Variants in ETV6 observed in about 807,000 individuals in gnomAD.
ETV6 encodes transcription factor ETV6.
Under a neutral mutation model 51.1 loss-of-function variants are expected in ETV6, and 16 were observed. That is an observed-to-expected ratio of 0.31 (90% CI 0.21 to 0.48). The LOEUF is 0.48. Ranked by LOEUF, ETV6 falls within the 20% of genes least tolerant of loss-of-function variation. The probability of loss-of-function intolerance (pLI) is 0.99; values close to 1 mark genes in which losing one functional copy is unlikely to be tolerated. For synonymous variants in ETV6, 240 were observed against 224.1 expected (o/e 1.07, Z -0.64); for missense variants, 458 against 594.8 (o/e 0.77, Z 2.39).
chr12:11,856,833 A>G (rs1946639741), intron 4 of ETV6, among the ~76,000 whole-genome samples: 3 of 152,234 alleles, frequency 2.0e-5, no homozygotes, highest in Admixed American at 1.3e-4. Flanking sequence ...AAAATCTGTC[A>G]AGTGAAATTA....
chr12:11,765,003 A>G (rs558324817), intron 2 of ETV6, among the ~76,000 whole-genome samples: 10 of 152,280 alleles, frequency 6.6e-5, no homozygotes, highest in African/African-American at 2.4e-4. Flanking sequence ...CCAAAGCCCT[A>G]TTGCCTAATC....
chr12:11,653,726 AG>A (rs1451094389), intron 1 of ETV6, among the ~76,000 whole-genome samples: 3 of 151,940 alleles, frequency 2.0e-5, no homozygotes, highest in Non-Finnish European at 4.4e-5. Flanking sequence ...AGCACTCAAT[AG>A]GGCCCACTAC....
intron 3 of ETV6, among the ~76,000 whole-genome samples, chr12:11,848,725 C>T (rs935754213): frequency 1.3e-5 from 2 of 152,222 alleles, no homozygotes; most frequent in African/African-American, 4.8e-5. Context: ...CAGGGACCTG[C>T]GCAAGTGAAG....
At chr12:11,796,941 C>T (rs1236713250) in intron 2 of ETV6, among the ~76,000 whole-genome samples, 1 of 152,122 alleles carries the variant, frequency 6.6e-6, no homozygotes, top group African/African-American at 2.4e-5. Flanking sequence ...CATGCCGCAC[C>T]ATGCTCAGCT....
At chr12:11,750,191 C>T (rs1374649107) in intron 1 of ETV6, among the ~76,000 whole-genome samples, 1 of 152,200 alleles carries the variant, frequency 6.6e-6, no homozygotes, top group African/African-American at 2.4e-5. Context: ...GAAGTGAAAG[C>T]ACACCAAGGG....
chr12:11,878,653 C>T (rs1446677346), intron 5 of ETV6, among the ~76,000 whole-genome samples: 1 of 151,952 alleles, frequency 6.6e-6, no homozygotes, highest in African/African-American at 2.4e-5. Context: ...CCACTTCTCC[C>T]TCCCCCAGCG....
chr12:11,813,701 G>A (rs1945948103), intron 2 of ETV6, among the ~76,000 whole-genome samples: 1 of 151,814 alleles, frequency 6.6e-6, no homozygotes, highest in South Asian at 2.1e-4. Flanking sequence ...TTAAACAAAG[G>A]GTCACCAAGA....
At chr12:11,865,359 A>G (rs1946777749) in intron 4 of ETV6, among the ~76,000 whole-genome samples, 1 of 151,942 alleles carries the variant, frequency 6.6e-6, no homozygotes, top group Non-Finnish European at 1.5e-5. Context: ...GGTATCATCA[A>G]ATAATCTGCT....
rs560469234 is a variant in ETV6, at chr12:11,878,964, C to G, written c.1010-5481C>G. Among the ~76,000 whole-genome samples, 4 of 152,034 alleles carry G rather than the reference C, an allele frequency of 2.6e-5. No homozygotes were observed. The South Asian group carries it at 8.3e-4, about 32-fold the overall frequency. On this transcript the variant is annotated intron_variant, in intron 5 of 7. Coordinates refer to ENST00000396373, the MANE Select transcript of ETV6 (RefSeq NM_001987.5). ...GTTGCTTACTATATTGTAAGAGATT[C>G]AGCAGCATCCCTGGCCTCTACCCAC...
At chr12:11,832,720 A>G (rs537012449) in intron 2 of ETV6, among the ~76,000 whole-genome samples, 46 of 152,340 alleles carry the variant, frequency 3.0e-4, no homozygotes, top group African/African-American at 1.1e-3. Flanking sequence ...GTATTTCAGG[A>G]TATCAGGAAG....
rs189864954 is a variant in ETV6 at position 11,823,958 on chromosome 12, C to T, written c.164-15182C>T. ...GTGGTTCCTGCACTTTGGGCTGTAA[C>T]CCCCTTTGGTGGGGCCAGAGACCCC... On this transcript the variant is annotated intron_variant, in intron 2 of 7. Coordinates refer to ENST00000396373, the MANE Select transcript of ETV6 (RefSeq NM_001987.5). Among the ~76,000 whole-genome samples the T allele has an allele frequency of 1.1e-3, 171 of 152,320 alleles. 1 individual carries two copies. In the South Asian group the frequency reaches 0.025, roughly 22 times the overall value.
intron 1 of ETV6, among the ~76,000 whole-genome samples, chr12:11,687,388 C>T: frequency 6.6e-6 from 1 of 151,660 alleles, no homozygotes; most frequent in African/African-American, 2.4e-5. Flanking sequence ...ACCATGTTGG[C>T]CAGGCTGGTC....
chr12:11,689,757 C>G (rs1262946913), intron 1 of ETV6, among the ~76,000 whole-genome samples: 1 of 151,602 alleles, frequency 6.6e-6, no homozygotes, highest in Non-Finnish European at 1.5e-5. Context: ...CACATTTCCC[C>G]CTGGGGCAGA....
chr12:11,707,155 C>T (rs1053999085), intron 1 of ETV6, among the ~76,000 whole-genome samples: 1 of 152,082 alleles, frequency 6.6e-6, no homozygotes, highest in Non-Finnish European at 1.5e-5. Context: ...CGCTCAATTG[C>T]AGAGTCTTGA....
intron 1 of ETV6, among the ~76,000 whole-genome samples, chr12:11,668,637 A>G (rs1415804407): frequency 6.6e-6 from 1 of 152,148 alleles, no homozygotes; most frequent in African/African-American, 2.4e-5. Context: ...GAGAAGGGCT[A>G]GTTAGTATGT....
At chr12:11,659,970 A>G (rs956238504) in intron 1 of ETV6, among the ~76,000 whole-genome samples, 3 of 152,208 alleles carry the variant, frequency 2.0e-5, no homozygotes, top group Non-Finnish European at 4.4e-5. Flanking sequence ...ATACAGCTAG[A>G]TAGAAGGAAT....
In ETV6 at chr12:11,869,751, G is replaced by A. The variant is rs150621299; in HGVS notation, c.791G>A (p.Arg264His). 24 of 1,613,478 alleles carry A rather than the reference G, an allele frequency of 1.5e-5. No individual in the cohort carries two copies. Among genetic ancestry groups the A allele is most frequent in the Non-Finnish European group, 1.7e-5 (20 of 1,180,006 alleles). Residue 264 changes from arginine to histidine, a missense_variant, in exon 5 of 8, where the codon CGC (arginine) becomes CAC (histidine). By Grantham distance (29) the Arg-to-His change is conservative (BLOSUM62 0). Transcript: ENST00000396373. This position sits in a 1 kb window ranked among gnomAD's most constrained non-coding sequence, Gnocchi z 5.0. ...KPSSPRQEST[R>H]VIQLMPSPIM... ...TCCAGCCCCCGGCAGGAGAGCACAC[G>A]CGTGATCCAGCTGATGCCCAGCCCC...
At chr12:11,734,140 T>C (rs543896593) in intron 1 of ETV6, among the ~76,000 whole-genome samples, 1 of 152,326 alleles carries the variant, frequency 6.6e-6, no homozygotes, top group East Asian at 1.9e-4. Context: ...CCCATTTTTA[T>C]TCTTATTTTC....
At chr12:11,687,624 T>G (rs1420939327) in intron 1 of ETV6, among the ~76,000 whole-genome samples, 1 of 152,244 alleles carries the variant, frequency 6.6e-6, no homozygotes, top group Non-Finnish European at 1.5e-5. Context: ...TAATGCTTAA[T>G]AAGTACAGTA....
Sources: allele counts gnomAD v4.1 joint callset (sites outside exome capture counted in the v4.1 genomes callset), GRCh38; gene constraint gnomAD v4.1.1; non-coding constraint Gnocchi (gnomAD v3.1); transcripts MANE v1.5; gene names NCBI Gene and HGNC (gene_info 2026-07-23, HGNC 2026-07-21).